ZBTB7C: variants seen among roughly 807,000 people sequenced by gnomAD.
The protein encoded by ZBTB7C is zinc finger and BTB domain containing 7C, also known as zinc finger and BTB domain-containing protein 7C.
Under a neutral mutation model 25.7 loss-of-function variants are expected in ZBTB7C, and 8 were observed. The ratio of observed to expected loss-of-function variants is 0.31; its 90% CI spans 0.18 to 0.56. ZBTB7C has a LOEUF of 0.56. ZBTB7C is among the 20% of genes least tolerant of loss of function. ZBTB7C has a pLI of 0.91. For missense variants in ZBTB7C, 824 were observed against 855.2 expected (o/e 0.96, Z 0.46); for synonymous variants, 394 against 369.0 (o/e 1.07, Z -0.78).
At chr18:48,058,324 C>T (rs1039348756) in intron 3 of ZBTB7C, among the ~76,000 whole-genome samples, 13 of 152,222 alleles carry the variant, frequency 8.5e-5, no homozygotes, top group African/African-American at 3.1e-4. Flanking sequence ...TACTCTAGGA[C>T]TTTTGATGAT....
chr18:48,132,814 A>G (rs2040027631), intron 3 of ZBTB7C, among the ~76,000 whole-genome samples: 2 of 152,194 alleles, frequency 1.3e-5, no homozygotes. Flanking sequence ...ACAATTTAAC[A>G]GAATTGTCAG....
At chr18:48,244,940 C>T (rs1189914402) in intron 2 of ZBTB7C, among the ~76,000 whole-genome samples, 1 of 151,866 alleles carries the variant, frequency 6.6e-6, no homozygotes, top group Non-Finnish European at 1.5e-5. Flanking sequence ...AATCCCGCTA[C>T]TGAGTATCTA....
chr18:48,394,487 T>C (rs1381711423), intron 1 of ZBTB7C, among the ~76,000 whole-genome samples: 1 of 152,182 alleles, frequency 6.6e-6, no homozygotes, highest in Non-Finnish European at 1.5e-5. Flanking sequence ...GGTTCATTCA[T>C]TTTGATAAAT....
At chr18:48,192,247 T>C (rs887326086) in intron 2 of ZBTB7C, among the ~76,000 whole-genome samples, 2 of 152,116 alleles carry the variant, frequency 1.3e-5, no homozygotes, top group African/African-American at 4.8e-5. Context: ...CTATATGACA[T>C]TCTGGAAAAG....
chr18:48,228,745 TCTCACA>T (rs1439272460), intron 2 of ZBTB7C, among the ~76,000 whole-genome samples: 4,556 of 136,720 alleles, frequency 0.033, 144 homozygotes, highest in East Asian at 0.18. Flanking sequence ...TCTCTCTCTC[TCTCACA>T]CACACACACA....
At chr18:48,033,157 G>A (rs1257449045) in intron 4 of ZBTB7C, among the ~76,000 whole-genome samples, 1 of 152,190 alleles carries the variant, frequency 6.6e-6, no homozygotes, top group Non-Finnish European at 1.5e-5. Flanking sequence ...CCATTGTCCA[G>A]GGCAGATGGA....
intron 2 of ZBTB7C, among the ~76,000 whole-genome samples, chr18:48,227,389 T>C (rs1468612092): frequency 2.0e-5 from 3 of 152,374 alleles, no homozygotes; most frequent in East Asian, 3.9e-4. Flanking sequence ...TGGGGGTTTG[T>C]GGCTGAGCAA....
intron 3 of ZBTB7C, chr18:48,077,131 T>C (rs2037798085): frequency 2.5e-6 from 1 of 405,794 alleles, no homozygotes; most frequent in African/African-American, 2.2e-5. Flanking sequence ...ATACAGGCTC[T>C]CTTTAAAAAT....
chr18:48,111,888 T>G (rs897120467), intron 3 of ZBTB7C, among the ~76,000 whole-genome samples: 52 of 152,334 alleles, frequency 3.4e-4, no homozygotes, highest in African/African-American at 1.1e-3. Context: ...ACGTACATTC[T>G]CTTCCAGCCA....
chr18:48,177,560 C>T (rs1226950844), intron 3 of ZBTB7C, among the ~76,000 whole-genome samples: 6 of 151,620 alleles, frequency 4.0e-5, no homozygotes, highest in Non-Finnish European at 5.9e-5. Context: ...AGGGTGTGTG[C>T]GTGTGTGTGT....
intron 2 of ZBTB7C, among the ~76,000 whole-genome samples, chr18:48,264,598 C>T (rs2044258777): frequency 6.6e-6 from 1 of 152,144 alleles, no homozygotes. Flanking sequence ...GGAAACCTGG[C>T]TGCAGGGGTT....
intron 2 of ZBTB7C, among the ~76,000 whole-genome samples, chr18:48,228,814 C>A (rs1419392707): frequency 6.6e-6 from 1 of 151,910 alleles, no homozygotes; most frequent in Non-Finnish European, 1.5e-5. Context: ...CACCCCCATG[C>A]ACCCTTACGC....
intron 1 of ZBTB7C, among the ~76,000 whole-genome samples, chr18:48,376,027 T>C (rs2047510893): frequency 6.6e-6 from 1 of 152,246 alleles, no homozygotes; most frequent in South Asian, 2.1e-4. Context: ...AAAATGCAGA[T>C]GGCCAAAGTT....
At chr18:48,382,745 G>A (rs930084924) in intron 1 of ZBTB7C, among the ~76,000 whole-genome samples, 7 of 152,186 alleles carry the variant, frequency 4.6e-5, no homozygotes, top group Admixed American at 4.6e-4. Context: ...CATAACTCCA[G>A]CTAACACTTA....
At chr18:48,323,802 A>G (rs1383459690) in intron 2 of ZBTB7C, among the ~76,000 whole-genome samples, 3 of 152,120 alleles carry the variant, frequency 2.0e-5, no homozygotes, top group Non-Finnish European at 4.4e-5. Flanking sequence ...GCAGATATTA[A>G]ACATCTACTT....
intron 3 of ZBTB7C, among the ~76,000 whole-genome samples, chr18:48,151,419 G>T (rs1043191477): frequency 6.6e-6 from 1 of 152,098 alleles, no homozygotes; most frequent in Non-Finnish European, 1.5e-5. Context: ...CATGTTCATG[G>T]TGCCTAACAT....
intron 2 of ZBTB7C, among the ~76,000 whole-genome samples, chr18:48,206,522 T>C (rs1378001648): frequency 6.6e-6 from 1 of 152,034 alleles, no homozygotes; most frequent in African/African-American, 2.4e-5. Context: ...TAGCTGGGCA[T>C]GGTGGTGCAT....
At chr18:48,160,265 G>C (rs2040963620) in intron 3 of ZBTB7C, among the ~76,000 whole-genome samples, 1 of 152,242 alleles carries the variant, frequency 6.6e-6, no homozygotes, top group Non-Finnish European at 1.5e-5. Context: ...TCCAAAAGAT[G>C]CATTAATCCA....
At chr18:48,170,592 G>T (rs1164043262) in intron 3 of ZBTB7C, among the ~76,000 whole-genome samples, 2 of 152,224 alleles carry the variant, frequency 1.3e-5, no homozygotes, top group African/African-American at 4.8e-5. Flanking sequence ...TGGATTAGGG[G>T]ATGGGGCCAG....
Sources: allele counts gnomAD v4.1 joint callset (sites outside exome capture counted in the v4.1 genomes callset), GRCh38; gene constraint gnomAD v4.1.1; transcripts MANE v1.5; gene names NCBI Gene and HGNC (gene_info 2026-07-23, HGNC 2026-07-21).